The following EVA1A variants were observed in gnomAD, a reference collection of about 807,000 sequenced individuals.
The protein encoded by EVA1A is eva-1 homolog A, regulator of programmed cell death, also known as protein eva-1 homolog A.
In EVA1A, 7 loss-of-function variants were observed where a neutral mutation model predicts 9.8. The ratio of observed to expected loss-of-function variants is 0.71; its 90% confidence interval spans 0.41 to 1.34. EVA1A has a LOEUF of 1.34. EVA1A is among the 40% of genes most tolerant of loss of function. The probability of loss-of-function intolerance (pLI) is 0.01; values close to 1 mark genes in which losing one functional copy is unlikely to be tolerated. For synonymous variants in EVA1A, 90 were observed against 85.6 expected, an observed-to-expected ratio of 1.05 and a Z score of -0.28; for missense variants, 206 against 205.9, an observed-to-expected ratio of 1.00 and a Z score of 0.00.
rs553223735 is a variant in EVA1A at position 75,522,557 on chromosome 2, T to C, written c.-191-70A>G. On this transcript the variant is annotated intron_variant, in intron 1 of 3. Coordinates refer to ENST00000393913, the MANE Select transcript of EVA1A (RefSeq NM_001135032.2). The stretch of plus-strand genomic sequence containing the variant: ...AGATCACATCATACCTTAGACCTGG[T>C]ATGTGTGTGAACCCAGCAGAGAAGC... The C allele has an allele frequency of 3.3e-5, 5 of 152,288 alleles. No homozygotes were observed. In the East Asian group the frequency reaches 9.7e-4, roughly 29 times the overall value. The allele number at this position is 152,288 out of a possible 1,614,324, so 9.4% of individuals were successfully genotyped here.
chr2:75,535,604 A>G (rs1245554095), intron 1 of EVA1A, among the ~76,000 whole-genome samples: 1 of 152,242 alleles, frequency 6.6e-6, no homozygotes, highest in African/African-American at 2.4e-5. Flanking sequence ...GTTGAATGCC[A>G]TAAAAAGAAT....
intron 3 of EVA1A, among the ~76,000 whole-genome samples, chr2:75,508,418 G>A (rs1674694727): frequency 6.6e-6 from 1 of 151,944 alleles, no homozygotes; most frequent in African/African-American, 2.4e-5. Context: ...ACGGCCTGTA[G>A]GGGTGAAATA....
chr2:75,542,761 C>T (rs995251788), intron 1 of EVA1A: 1 of 152,070 alleles, frequency 6.6e-6, no homozygotes, highest in African/African-American at 2.4e-5. Flanking sequence ...ACAGATTCAC[C>T]CTTCATGGAG....
chr2:75,511,761 T>A (rs1315742425), intron 3 of EVA1A, among the ~76,000 whole-genome samples: 2 of 152,118 alleles, frequency 1.3e-5, no homozygotes, highest in Non-Finnish European at 2.9e-5. Context: ...TAACTGAGCA[T>A]CTGATGGGTG....
intron 1 of EVA1A, chr2:75,523,967 A>G (rs1194410085): frequency 3.3e-5 from 5 of 152,134 alleles, no homozygotes; most frequent in African/African-American, 7.2e-5. Context: ...GGGTAATTGA[A>G]TCATGGGGCA....
chr2:75,535,295 C>CAAAAAA (rs3081156), intron 1 of EVA1A, among the ~76,000 whole-genome samples: 17,926 of 91,062 alleles, frequency 0.2, 1,660 homozygotes, highest in African/African-American at 0.27. Context: ...ATAGATATGG[C>CAAAAAA]AAAAAAAAAA....
intron 1 of EVA1A, among the ~76,000 whole-genome samples, chr2:75,522,751 CCT>C (rs1237525762): frequency 6.6e-6 from 1 of 152,234 alleles, no homozygotes; most frequent in Non-Finnish European, 1.5e-5. Context: ...AAACATGCTT[CCT>C]CTCTGCTCCT....
intron 3 of EVA1A, among the ~76,000 whole-genome samples, chr2:75,512,039 T>C (rs1242866610): frequency 2.0e-5 from 3 of 152,016 alleles, no homozygotes; most frequent in African/African-American, 7.2e-5. Flanking sequence ...TAAAATTTTA[T>C]GGGTACATAG....
chr2:75,504,131 G>A (rs1353768857), intron 3 of EVA1A, among the ~76,000 whole-genome samples: 1 of 152,134 alleles, frequency 6.6e-6, no homozygotes, highest in Non-Finnish European at 1.5e-5. Context: ...AACATCTCTT[G>A]CCAGGCACGG....
intron 1 of EVA1A, among the ~76,000 whole-genome samples, chr2:75,525,092 CATAT>C (rs527279472): frequency 1.4e-3 from 208 of 152,054 alleles, no homozygotes; most frequent in African/African-American, 4.9e-3. Context: ...TATATACATA[CATAT>C]ATAAATATAC....
chr2:75,518,207 T>G lies in EVA1A; in HGVS notation c.-67A>C. On this transcript the variant is annotated splice_region_variant and 5_prime_UTR_variant, in exon 3 of 4. Transcript: ENST00000393913. ...CAACGTGGCCACTCTCCTTCTTCTCTTCTGTTTGGGAACATAAAGTGAGTG... is the reference window on the plus strand; with the variant it reads ...CAACGTGGCCACTCTCCTTCTTCTCGTCTGTTTGGGAACATAAAGTGAGTG... The G allele has an allele frequency of 6.3e-7, 1 of 1,589,376 alleles. No homozygotes were observed. Among genetic ancestry groups the G allele is most frequent in the Non-Finnish European group, 8.5e-7 (1 of 1,169,856 alleles).
At chr2:75,529,122 G>A (rs754950674) in intron 1 of EVA1A, among the ~76,000 whole-genome samples, 1 of 152,132 alleles carries the variant, frequency 6.6e-6, no homozygotes, top group Admixed American at 6.5e-5. Flanking sequence ...AAGATAGATC[G>A]CATCAAAGGA....
At chr2:75,560,335 C>T (rs1676878816) in intron 1 of EVA1A, among the ~76,000 whole-genome samples, 1 of 152,194 alleles carries the variant, frequency 6.6e-6, no homozygotes, top group Non-Finnish European at 1.5e-5. Context: ...GCCCAGCTCC[C>T]AGAGGCACAG....
At chr2:75,501,178 T>C (rs1444293634) in intron 3 of EVA1A, among the ~76,000 whole-genome samples, 1 of 152,140 alleles carries the variant, frequency 6.6e-6, no homozygotes, top group African/African-American at 2.4e-5. Context: ...CACCCTCCTC[T>C]TCATGTTCAT....
intron 3 of EVA1A, among the ~76,000 whole-genome samples, chr2:75,498,357 T>G (rs1319238057): frequency 6.6e-6 from 1 of 151,952 alleles, no homozygotes; most frequent in African/African-American, 2.4e-5. Flanking sequence ...GGGGAATGGG[T>G]TGGAAAACTA....
intron 1 of EVA1A, among the ~76,000 whole-genome samples, chr2:75,528,311 G>A (rs1232612255): frequency 6.6e-6 from 1 of 152,176 alleles, no homozygotes; most frequent in Non-Finnish European, 1.5e-5. Context: ...AGAAGCTGTG[G>A]CAGTCAGGGA....
intron 3 of EVA1A, among the ~76,000 whole-genome samples, chr2:75,496,376 C>T (rs1303953460): frequency 1.3e-5 from 2 of 152,114 alleles, no homozygotes; most frequent in African/African-American, 2.4e-5. Context: ...AGTAGGATTT[C>T]TATGCACCAA....
At chr2:75,514,202 G>A (rs982664094) in intron 3 of EVA1A, among the ~76,000 whole-genome samples, 2 of 152,172 alleles carry the variant, frequency 1.3e-5, no homozygotes, top group African/African-American at 4.8e-5. Context: ...TACATTTTAA[G>A]AGGCAAAATG....
At chr2:75,541,231 C>G (rs6713869) in intron 1 of EVA1A, among the ~76,000 whole-genome samples, 71,651 of 152,036 alleles carry the variant, frequency 0.47, 19,114 homozygotes, top group African/African-American at 0.74. Context: ...TTGGCTGATG[C>G]AACAGATAGA....
Sources: gnomAD v4.1 joint callset for allele counts (sites outside exome capture counted in the v4.1 genomes callset) on GRCh38, gnomAD v4.1.1 for gene constraint, MANE v1.5 for transcripts, NCBI Gene and HGNC (gene_info 2026-07-23, HGNC 2026-07-21) for gene names.